Variants in MROH9 observed in about 807,000 individuals in gnomAD.
MROH9 encodes the protein maestro heat-like repeat-containing protein family member 9.
Under a neutral mutation model 98.2 loss-of-function variants are expected in MROH9, and 92 were observed. That is an observed-to-expected ratio of 0.94 (90% CI 0.79 to 1.11). MROH9 has a LOEUF of 1.11. Ranked by LOEUF, MROH9 falls within the 50% of genes most tolerant of loss-of-function variation. The pLI is 0.00. For missense variants in MROH9, 1,057 were observed against 1,014.8 expected, an observed-to-expected ratio of 1.04 and a Z score of -0.57; for synonymous variants, 397 against 368.9, an observed-to-expected ratio of 1.08 and a Z score of -0.87.
chr1:171,039,773 C>CA (rs1653236419), intron 20 of MROH9, among the ~76,000 whole-genome samples: 1 of 152,028 alleles, frequency 6.6e-6, no homozygotes, highest in Non-Finnish European at 1.5e-5. Context: ...CATTGGAATA[C>CA]AAAATCAAAC....
chr1:170,962,251 C>T (rs1315898322), intron 6 of MROH9, among the ~76,000 whole-genome samples: 1 of 152,090 alleles, frequency 6.6e-6, no homozygotes, highest in Non-Finnish European at 1.5e-5. Flanking sequence ...TTTGAAGTAG[C>T]AGAGAATAGT....
chr1:170,947,685 G>C, intron 3 of MROH9, 112 bp downstream of exon 3: 1 of 944,466 alleles, frequency 1.1e-6, no homozygotes, highest in South Asian at 1.7e-5. Context: ...TACATGTGTT[G>C]GGGGAGAAAG....
rs60676361 is a variant in MROH9 at position 171,006,674 on chromosome 1, CTT to C, written c.1597-7430_1597-7429del. Among the ~76,000 whole-genome samples the C allele has an allele frequency of 8.1e-3, 1,116 of 138,144 alleles. 8 individuals carry two copies. Among genetic ancestry groups the C allele is most frequent in the African/African-American group, 0.027 (1,021 of 37,902 alleles). The allele number at this position is 138,144 out of a possible 152,430, so 90.6% of individuals were successfully genotyped here. ...CTCTTTCATTCTTTTATATCTTTTT[CTT>C]TTTTTTTTTTTTGGCTAATTTCAAA... On this transcript the variant is annotated intron_variant, in intron 15 of 21. Transcript: ENST00000367759.
intron 7 of MROH9, 114 bp downstream of exon 7, chr1:170,965,369 T>C (rs2101897250): frequency 4.6e-6 from 3 of 655,122 alleles, no homozygotes; most frequent in Non-Finnish European, 5.3e-6. Flanking sequence ...ATTATTGTAC[T>C]GGTAGGTTGG....
chr1:171,021,884 A>G (rs1652531078), intron 17 of MROH9, among the ~76,000 whole-genome samples: 1 of 150,310 alleles, frequency 6.7e-6, no homozygotes, highest in African/African-American at 2.5e-5. Context: ...AGAATCTACA[A>G]GAAACTTAAA....
chr1:170,953,401 A>G (rs1649630963), intron 3 of MROH9, among the ~76,000 whole-genome samples: 1 of 147,358 alleles, frequency 6.8e-6, no homozygotes, highest in Middle Eastern at 3.4e-3. Context: ...TCCGTGTTGC[A>G]TCTAAAAACA....
chr1:170,948,880 C>T (rs1015039695), intron 3 of MROH9, among the ~76,000 whole-genome samples: 3 of 152,080 alleles, frequency 2.0e-5, no homozygotes, highest in Non-Finnish European at 2.9e-5. Flanking sequence ...AAGCAACATA[C>T]GTTTGTAGAA....
intron 11 of MROH9, among the ~76,000 whole-genome samples, chr1:170,990,574 A>G (rs1651319841): frequency 6.6e-6 from 1 of 152,174 alleles, no homozygotes; most frequent in Non-Finnish European, 1.5e-5. Flanking sequence ...ACATTAGAAG[A>G]GCTTAGAAAA....
intron 20 of MROH9, among the ~76,000 whole-genome samples, chr1:171,031,753 T>A (rs1391640899): frequency 6.6e-6 from 1 of 152,180 alleles, no homozygotes; most frequent in African/African-American, 2.4e-5. Context: ...TGATTATGTG[T>A]CTCAGGGTTG....
At chr1:171,004,151 G>A (rs553251139) in intron 15 of MROH9, among the ~76,000 whole-genome samples, 1 of 152,216 alleles carries the variant, frequency 6.6e-6, no homozygotes, top group South Asian at 2.1e-4. Context: ...TTGAAAACTT[G>A]CCCAAGGCTT....
chr1:170,958,214 G>T (rs1649854639), intron 3 of MROH9, among the ~76,000 whole-genome samples: 1 of 152,162 alleles, frequency 6.6e-6, no homozygotes, highest in African/African-American at 2.4e-5. Context: ...ACAAAGTGCT[G>T]TCTGGAAATG....
At chr1:170,949,477 T>TC (rs1483318776) in intron 3 of MROH9, among the ~76,000 whole-genome samples, 1 of 152,050 alleles carries the variant, frequency 6.6e-6, no homozygotes, top group African/African-American at 2.4e-5. Flanking sequence ...ACTTACTTAA[T>TC]CAGGAGAGTG....
At chr1:170,946,102 C>T (rs901122556) in intron 2 of MROH9, among the ~76,000 whole-genome samples, 3 of 151,730 alleles carry the variant, frequency 2.0e-5, no homozygotes, top group African/African-American at 7.3e-5. Flanking sequence ...CAAAACAAAT[C>T]TAAGGAATGC....
At chr1:170,966,545 C>A (rs1440267577) in intron 7 of MROH9, among the ~76,000 whole-genome samples, 1 of 152,094 alleles carries the variant, frequency 6.6e-6, no homozygotes, top group African/African-American at 2.4e-5. Context: ...CTTGTACAAG[C>A]AGTCCCCAGA....
At chr1:171,062,810 T>C (rs997612569) in intron 21 of MROH9, among the ~76,000 whole-genome samples, 3 of 152,212 alleles carry the variant, frequency 2.0e-5, no homozygotes, top group African/African-American at 7.2e-5. Flanking sequence ...ATAGACTATT[T>C]TTTAGAGCAG....
chr1:171,055,745 C>T (rs187187498), intron 20 of MROH9, among the ~76,000 whole-genome samples: 122 of 151,860 alleles, frequency 8.0e-4, no homozygotes, highest in South Asian at 1.5e-3. Flanking sequence ...CGGTGGCAGT[C>T]GGAGGCTTCC....
chr1:171,019,335 T>C (rs1328163402), intron 17 of MROH9, among the ~76,000 whole-genome samples: 2 of 152,162 alleles, frequency 1.3e-5, no homozygotes, highest in Non-Finnish European at 2.9e-5. Flanking sequence ...GGGAAATTTA[T>C]GGCACTAAAT....
rs368708203 is a variant in MROH9 at position 170,951,411 on chromosome 1, A to G, written c.72+3838A>G. 3.3e-5 allele frequency among the ~76,000 whole-genome samples: 5 copies of G among 152,246 alleles called. No individual in the cohort carries two copies. In the East Asian group the frequency reaches 9.6e-4, roughly 29 times the overall value. ...TTTGTTTTTCAGCAACAGAATCTAC[A>G]TTTCTCTTAGCTGTGGAAAAGGTCA... On this transcript the variant is annotated intron_variant, in intron 3 of 21. Coordinates refer to ENST00000367759, the MANE Select transcript of MROH9 (RefSeq NM_001163629.2).
In MROH9 at chr1:171,025,430, A is replaced by T. The variant is rs1652675773; in HGVS notation, c.2281+10A>T. 6.7e-7 allele frequency: 1 copy of T among 1,482,626 alleles called. No homozygotes were observed. Among genetic ancestry groups the T allele is most frequent in the South Asian group, 1.2e-5 (1 of 82,458 alleles). 91.8% of individuals were successfully genotyped at this position (1,482,626 alleles called of 1,614,324 possible). A position where few individuals can be genotyped will look rare whatever the true frequency, so the allele number is the denominator to read the frequency against. On this transcript the variant is annotated intron_variant, in intron 20 of 21. Transcript: ENST00000367759. ...TCGGTTATTTTGATAGGTAAATATA[A>T]TTCAGTTCTCAATTCCTAACTTGTC... is the stretch of plus-strand genomic sequence containing the variant.
Sources: allele counts gnomAD v4.1 joint callset (sites outside exome capture counted in the v4.1 genomes callset), GRCh38; gene constraint gnomAD v4.1.1; transcripts MANE v1.5; gene names NCBI Gene and HGNC (gene_info 2026-07-23, HGNC 2026-07-21).